TAFA2: variants seen among roughly 807,000 people sequenced by gnomAD.
The protein encoded by TAFA2 is chemokine-like protein TAFA-2.
Under a neutral mutation model 18.8 loss-of-function variants are expected in TAFA2, and 7 were observed. The observed-to-expected ratio is 0.37, with a 90% CI of 0.21 to 0.70. TAFA2 has a LOEUF of 0.70. Among genes scored for constraint, TAFA2 ranks in the 30% least tolerant of loss-of-function variants. The pLI, the probability that TAFA2 is intolerant of heterozygous loss-of-function variation, is 0.53. For synonymous variants in TAFA2, 60 were observed against 54.2 expected (o/e 1.11, Z -0.47); for missense variants, 122 against 158.1 (o/e 0.77, Z 1.23).
intron 1 of TAFA2, among the ~76,000 whole-genome samples, chr12:61,940,714 A>G (rs1877967186): frequency 6.6e-6 from 1 of 152,186 alleles, no homozygotes; most frequent in Admixed American, 6.5e-5. Flanking sequence ...AGCAATGGGC[A>G]TGCTGGTCAG....
At chr12:61,800,827 C>T (rs1282460555) in intron 2 of TAFA2, among the ~76,000 whole-genome samples, 1 of 152,028 alleles carries the variant, frequency 6.6e-6, no homozygotes, top group Admixed American at 6.6e-5. Context: ...TAAGGAGGAC[C>T]TTTATGGAGA....
chr12:62,236,838 A>G (rs1207437807), intron 1 of TAFA2, among the ~76,000 whole-genome samples: 1 of 151,786 alleles, frequency 6.6e-6, no homozygotes, highest in Non-Finnish European at 1.5e-5. Context: ...GAGCTCCTTT[A>G]TTTGTTATTT....
At chr12:62,142,673 A>C (rs2062248087) in intron 1 of TAFA2, among the ~76,000 whole-genome samples, 2 of 152,146 alleles carry the variant, frequency 1.3e-5, no homozygotes, top group African/African-American at 2.4e-5. Flanking sequence ...TCTCAAGCAA[A>C]GTTTCCCATG....
intron 1 of TAFA2, among the ~76,000 whole-genome samples, chr12:62,019,763 T>C (rs954601219): frequency 1.3e-5 from 2 of 151,950 alleles, no homozygotes. Flanking sequence ...GGCACATGTA[T>C]ACATATGTAA....
chr12:61,936,288 C>T (rs543329706), intron 1 of TAFA2, among the ~76,000 whole-genome samples: 19 of 152,010 alleles, frequency 1.2e-4, no homozygotes, highest in East Asian at 3.9e-4. Context: ...ATCCCTTGGC[C>T]GGGCACAGTT....
chr12:61,889,187 A>T (rs1172270339), intron 1 of TAFA2, among the ~76,000 whole-genome samples: 1 of 152,198 alleles, frequency 6.6e-6, no homozygotes, highest in African/African-American at 2.4e-5. Context: ...GACACACCGA[A>T]AGCATTATGT....
intron 1 of TAFA2, among the ~76,000 whole-genome samples, chr12:61,946,165 T>C (rs1250484842): frequency 9.9e-5 from 15 of 150,970 alleles, no homozygotes; most frequent in African/African-American, 3.7e-4. Flanking sequence ...TACCTACAAC[T>C]ATCTGATCTT....
At chr12:61,898,916 C>A (rs907581506) in intron 1 of TAFA2, among the ~76,000 whole-genome samples, 5 of 151,592 alleles carry the variant, frequency 3.3e-5, no homozygotes, top group Admixed American at 2.6e-4. Flanking sequence ...TTTTTCCAAA[C>A]GTTTTATGCT....
chr12:61,949,396 C>G (rs76676188), intron 1 of TAFA2, among the ~76,000 whole-genome samples: 3 of 152,118 alleles, frequency 2.0e-5, no homozygotes, highest in African/African-American at 7.2e-5. Context: ...ACCATCAACT[C>G]TCCCAGGTCT....
At chr12:61,953,861 C>T (rs758834835) in intron 1 of TAFA2, among the ~76,000 whole-genome samples, 5 of 152,112 alleles carry the variant, frequency 3.3e-5, no homozygotes, top group South Asian at 4.1e-4. Flanking sequence ...GCTAATAGTG[C>T]GGTGTAGTCA....
intron 2 of TAFA2, among the ~76,000 whole-genome samples, chr12:61,803,901 A>G (rs756086846): frequency 2.6e-5 from 4 of 152,002 alleles, no homozygotes; most frequent in Admixed American, 6.6e-5. Flanking sequence ...TAAAAAAATG[A>G]CAATAGCTAT....
intron 4 of TAFA2, among the ~76,000 whole-genome samples, chr12:61,749,116 A>T (rs1280083493): frequency 5.3e-5 from 8 of 151,746 alleles, no homozygotes; most frequent in Admixed American, 6.6e-5. Flanking sequence ...AAATAAAAAA[A>T]AAAAAAAATA....
intron 2 of TAFA2, among the ~76,000 whole-genome samples, chr12:61,793,858 A>C (rs905792728): frequency 1.3e-5 from 2 of 151,968 alleles, no homozygotes; most frequent in African/African-American, 4.8e-5. Flanking sequence ...AAATAAATCC[A>C]ACAATACATA....
chr12:61,899,186 C>A (rs1034293337), intron 1 of TAFA2, among the ~76,000 whole-genome samples: 3 of 152,198 alleles, frequency 2.0e-5, no homozygotes, highest in African/African-American at 7.2e-5. Flanking sequence ...TTTCCTACAT[C>A]TTCCTGTCTT....
chr12:62,188,211 T>C (rs2062598478), intron 1 of TAFA2, among the ~76,000 whole-genome samples: 2 of 152,192 alleles, frequency 1.3e-5, no homozygotes, highest in Non-Finnish European at 2.9e-5. Flanking sequence ...GCTTGGATGA[T>C]TATTTTACCC....
chr12:61,875,162 T>C (rs1304299180), intron 1 of TAFA2, among the ~76,000 whole-genome samples: 1 of 152,170 alleles, frequency 6.6e-6, no homozygotes, highest in East Asian at 1.9e-4. Flanking sequence ...TTGTAATGTA[T>C]GTAACGAAAG....
intron 1 of TAFA2, among the ~76,000 whole-genome samples, chr12:61,898,920 T>TTA (rs1221106726): frequency 6.6e-6 from 1 of 151,490 alleles, no homozygotes; most frequent in Non-Finnish European, 1.5e-5. Context: ...TCCAAACGTT[T>TTA]TATGCTCTGC....
chr12:61,738,093 A>G (rs764458272), intron 4 of TAFA2, among the ~76,000 whole-genome samples: 6 of 151,976 alleles, frequency 3.9e-5, no homozygotes, highest in Non-Finnish European at 8.8e-5. Flanking sequence ...AATATCTATA[A>G]ACACTTTCTG....
At chr12:62,221,036 G>A (rs1465959500) in intron 1 of TAFA2, among the ~76,000 whole-genome samples, 1 of 151,812 alleles carries the variant, frequency 6.6e-6, no homozygotes, top group Non-Finnish European at 1.5e-5. Context: ...CCCGGGAGGC[G>A]GAGCTTGCAG....
Sources: allele counts gnomAD v4.1 joint callset (sites outside exome capture counted in the v4.1 genomes callset), GRCh38; gene constraint gnomAD v4.1.1; transcripts MANE v1.5; gene names NCBI Gene and HGNC (gene_info 2026-07-23, HGNC 2026-07-21).